The following GNG10 variants were observed in gnomAD, a reference collection of about 807,000 sequenced individuals.
The protein encoded by GNG10 is G protein subunit gamma 10.
Under a neutral mutation model 6.8 loss-of-function variants are expected in GNG10, and 7 were observed. The observed-to-expected ratio is 1.02, with a 90% CI of 0.58 to 1.92. GNG10 has a LOEUF of 1.92. Ranked by LOEUF, GNG10 falls within the 30% of genes most tolerant of loss-of-function variation. The probability of loss-of-function intolerance (pLI) is 0.00; values close to 1 mark genes in which losing one functional copy is unlikely to be tolerated. For missense variants in GNG10, 57 were observed against 86.1 expected (o/e 0.66, Z 1.34); for synonymous variants, 28 against 34.8 (o/e 0.80, Z 0.69).
At chr9:111,665,887 C>T (rs976750088) in intron 1 of GNG10, among the ~76,000 whole-genome samples, 21 of 147,134 alleles carry the variant, frequency 1.4e-4, no homozygotes, top group African/African-American at 3.2e-4. Context: ...CCACCACACC[C>T]GGTTAATTTT....
chr9:111,668,783 C>A (rs772994255), intron 2 of GNG10, among the ~76,000 whole-genome samples: 6 of 152,018 alleles, frequency 3.9e-5, no homozygotes, highest in Non-Finnish European at 8.8e-5. Context: ...CTGCGCCCGG[C>A]CTTACAAAGC....
intron 1 of GNG10, among the ~76,000 whole-genome samples, chr9:111,662,060 G>T (rs1171242830): frequency 6.6e-6 from 1 of 152,128 alleles, no homozygotes; most frequent in African/African-American, 2.4e-5. Context: ...GGAGGCCACC[G>T]CAGGGCGGCG....
At chr9:111,663,421 C>G (rs1202593805) in intron 1 of GNG10, among the ~76,000 whole-genome samples, 1 of 151,668 alleles carries the variant, frequency 6.6e-6, no homozygotes, top group African/African-American at 2.4e-5. Flanking sequence ...AAGGTCTGGC[C>G]AGAAAGAGGC....
In GNG10 at chr9:111,670,124, G is replaced by C. The variant is rs958172372; in HGVS notation, c.*862G>C. On this transcript the variant is annotated 3_prime_UTR_variant, in exon 3 of 3. Coordinates refer to ENST00000374293, the MANE Select transcript of GNG10 (RefSeq NM_001017998.4). ...AACTTCACAAGTGTTTTACTTCGAC[G>C]ATGTGCCTTTGATTTAATTTGGGAC... The C allele has an allele frequency of 6.6e-6, 1 of 152,600 alleles. No homozygotes were observed. Among genetic ancestry groups the C allele is most frequent in the Non-Finnish European group, 1.5e-5 (1 of 68,018 alleles). 9.5% of individuals were successfully genotyped at this position (152,600 alleles called of 1,614,324 possible).
Position 111,669,382 on chromosome 9 carries a change from T to C in GNG10, c.*120T>C, listed in dbSNP as rs1019433369. On this transcript the variant is annotated 3_prime_UTR_variant, in exon 3 of 3. Coordinates refer to ENST00000374293, the MANE Select transcript of GNG10 (RefSeq NM_001017998.4). ...TTAGAGATATTTCAGCCCTTTCCTG[T>C]GGCCTGGTCCTATAGCCAAAATCAC... is the stretch of plus-strand genomic sequence containing the variant. 4 of 152,146 alleles carry C rather than the reference T, an allele frequency of 2.6e-5. No homozygotes were observed. Among genetic ancestry groups the C allele is most frequent in the African/African-American group, 9.7e-5 (4 of 41,428 alleles). 9.4% of individuals were successfully genotyped at this position (152,146 alleles called of 1,614,324 possible).
At chr9:111,667,481 C>T (rs369856398) in intron 2 of GNG10, among the ~76,000 whole-genome samples, 4 of 152,114 alleles carry the variant, frequency 2.6e-5, no homozygotes, top group East Asian at 1.9e-4. Flanking sequence ...CCACCCGCCT[C>T]GGCCTCCTAA....
intron 1 of GNG10, among the ~76,000 whole-genome samples, chr9:111,662,552 T>C (rs1435172301): frequency 6.6e-6 from 1 of 152,244 alleles, no homozygotes. Flanking sequence ...AAGGCGTCTG[T>C]TGTAGAGCTG....
chr9:111,668,435 C>T (rs1295214943), intron 2 of GNG10, among the ~76,000 whole-genome samples: 1 of 146,648 alleles, frequency 6.8e-6, no homozygotes, highest in African/African-American at 2.5e-5. Flanking sequence ...TCTTCCCTCC[C>T]CTCCCCTCCC....
At chr9:111,664,820 A>G (rs1291228675) in intron 1 of GNG10, among the ~76,000 whole-genome samples, 1 of 152,032 alleles carries the variant, frequency 6.6e-6, no homozygotes, top group Non-Finnish European at 1.5e-5. Context: ...TCCACCTACC[A>G]TGTGTGGAGT....
chr9:111,662,012 C>G (rs912382269), intron 1 of GNG10, among the ~76,000 whole-genome samples: 3 of 151,742 alleles, frequency 2.0e-5, no homozygotes, highest in Non-Finnish European at 4.4e-5. Flanking sequence ...CAAGGGATGC[C>G]GGCGACGCGC....
chr9:111,667,084 C>T (rs758831983), intron 2 of GNG10, 138 bp downstream of exon 2: 7 of 1,386,994 alleles, frequency 5.0e-6, no homozygotes, highest in Non-Finnish European at 6.7e-6. Flanking sequence ...CACAACTTTC[C>T]CTGAAGTGTG....
Position 111,661,660 on chromosome 9 carries a change from C to G in GNG10, c.26C>G (p.Ala9Gly), listed in dbSNP as rs745327624. Residue 9 changes from alanine to glycine, a missense_variant, in exon 1 of 3, where the codon GCC (alanine) becomes GGC (glycine). Coordinates refer to ENST00000374293, the MANE Select transcript of GNG10 (RefSeq NM_001017998.4). The surrounding 1 kb of genome is among the most constrained non-coding windows in gnomAD (Gnocchi z 6.1). ...ATGTCCTCCGGGGCTAGCGCGAGCGCCCTGCAGCGCTTGGTAGAGCAGCTC... is the reference window on the plus strand; with the variant it reads ...ATGTCCTCCGGGGCTAGCGCGAGCGGCCTGCAGCGCTTGGTAGAGCAGCTC... MSSGASAS[A>G]LQRLVEQLKL... is the part of the protein sequence containing the mutation. 4.4e-6 allele frequency: 6 copies of G among 1,376,590 alleles called. No individual in the cohort carries two copies. The Admixed American group carries it at 7.3e-5, about 17-fold the overall frequency. 85.3% of individuals were successfully genotyped at this position (1,376,590 alleles called of 1,614,324 possible). A position where few individuals can be genotyped will look rare whatever the true frequency, so the allele number is the denominator to read the frequency against.
chr9:111,661,644 G>A lies in GNG10; in HGVS notation c.10G>A (p.Gly4Arg), dbSNP rs187667042. The A allele has an allele frequency of 7.4e-3, 10,020 of 1,349,536 alleles. 352 individuals are homozygous for A. The highest frequency in any genetic ancestry group is 0.042 in the South Asian group (2,667 of 62,920). 83.6% of individuals were successfully genotyped at this position (1,349,536 alleles called of 1,614,324 possible). MSSGASASALQRLV... is the reference protein window; with the variant it reads MSSRASASALQRLV... ...GCCCAGCGCCGCCGCCATGTCCTCC[G>A]GGGCTAGCGCGAGCGCCCTGCAGCG... Residue 4 changes from glycine (G) to arginine (R), a missense_variant, in exon 1 of 3, where the codon GGG becomes AGG. By Grantham distance (125) the Gly-to-Arg change is moderately radical (BLOSUM62 -2). Coordinates refer to ENST00000374293, the MANE Select transcript of GNG10 (RefSeq NM_001017998.4). The surrounding 1 kb of genome is among the most constrained non-coding windows in gnomAD (Gnocchi z 6.1).
rs776244288 is a variant in GNG10, at chr9:111,666,911, C to T, written c.178C>T (p.Arg60Trp). The change falls in exon 2 of 3, where the codon CGG (arginine) becomes TGG (tryptophan). Residue 60 changes from arginine to tryptophan, a missense_variant. Physicochemically the swap from Arg to Trp is moderately radical, Grantham distance 101. Coordinates refer to ENST00000374293, the MANE Select transcript of GNG10 (RefSeq NM_001017998.4). Reference protein sequence around the residue: ...VGVPAGSNPFREPRSCALL With the variant: ...VGVPAGSNPFWEPRSCALL Reference sequence around the variant, plus strand: ...TGTTCCAGCTGGAAGTAACCCCTTCCGGGAGCCTAGATCCTGTGCTTTACT... The same window carrying T: ...TGTTCCAGCTGGAAGTAACCCCTTCTGGGAGCCTAGATCCTGTGCTTTACT... 21 of 1,613,904 alleles carry T rather than the reference C, an allele frequency of 1.3e-5. No individual in the cohort carries two copies. The highest frequency in any genetic ancestry group is 4.5e-5 in the East Asian group (2 of 44,892).
In GNG10 at chr9:111,670,100, A is replaced by G. The variant is rs1400873796; in HGVS notation, c.*838A>G. ...ATATTACAACCTAAAAGAATTCTTA[A>G]CTTCACAAGTGTTTTACTTCGACGA... On this transcript the variant is annotated 3_prime_UTR_variant, in exon 3 of 3. Coordinates refer to ENST00000374293, the MANE Select transcript of GNG10 (RefSeq NM_001017998.4). 2 of 152,672 alleles carry G rather than the reference A, an allele frequency of 1.3e-5. No individual in the cohort carries two copies. Among genetic ancestry groups the G allele is most frequent in the African/African-American group, 2.4e-5 (1 of 41,458 alleles). 9.5% of individuals were successfully genotyped at this position (152,672 alleles called of 1,614,324 possible). A position where few individuals can be genotyped will look rare whatever the true frequency, so the allele number is the denominator to read the frequency against.
At position 111,661,724 on chromosome 9, in the gene GNG10, C is replaced by A. The variant is rs1167599387; in HGVS notation, c.81+9C>A. 1 of 1,333,218 alleles carries A rather than the reference C, an allele frequency of 7.5e-7. No individual in the cohort carries two copies. The allele number at this position is 1,333,218 out of a possible 1,614,324, so 82.6% of individuals were successfully genotyped here. ...GCGTGGAGAGGATCAAGGTGCGGGCCCCGGGTACCCACGCTCCGGTCCTTC... is the reference window on the plus strand; with the variant it reads ...GCGTGGAGAGGATCAAGGTGCGGGCACCGGGTACCCACGCTCCGGTCCTTC... On this transcript the variant is annotated intron_variant, in intron 1 of 2. Transcript: ENST00000374293. The surrounding 1 kb of genome is among the most constrained non-coding windows in gnomAD (Gnocchi z 6.1).
intron 1 of GNG10, among the ~76,000 whole-genome samples, chr9:111,663,790 C>T (rs1034880817): frequency 4.0e-5 from 6 of 150,690 alleles, no homozygotes; most frequent in African/African-American, 9.8e-5. Flanking sequence ...CCTGTCTACC[C>T]GCCAAGTAGC....
chr9:111,666,885 G>T lies in GNG10; in HGVS notation c.152G>T (p.Gly51Val). ...GCCTGCAAGGATGCCCTGCTGGTGG[G>T]TGTTCCAGCTGGAAGTAACCCCTTC... The part of the protein sequence containing the change: ...QNACKDALLV[G>V]VPAGSNPFRE... The change falls in exon 2 of 3, where the codon GGT becomes GTT. Residue 51 changes from glycine to valine, a missense_variant. Transcript: ENST00000374293. 1 of 1,614,006 alleles carries T rather than the reference G, an allele frequency of 6.2e-7. No homozygotes were observed. Among genetic ancestry groups the T allele is most frequent in the East Asian group, 2.2e-5 (1 of 44,886 alleles).
chr9:111,667,803 G>A (rs1010869669), intron 2 of GNG10, among the ~76,000 whole-genome samples: 2 of 152,194 alleles, frequency 1.3e-5, no homozygotes, highest in African/African-American at 4.8e-5. Context: ...CTCTCTGGTG[G>A]CATATTAGAA....
Sources: allele counts gnomAD v4.1 joint callset (sites outside exome capture counted in the v4.1 genomes callset), GRCh38; gene constraint gnomAD v4.1.1; non-coding constraint Gnocchi (gnomAD v3.1); transcripts MANE v1.5; gene names NCBI Gene and HGNC (gene_info 2026-07-23, HGNC 2026-07-21).